CROCC2: variants seen among roughly 807,000 people sequenced by gnomAD.
CROCC2 encodes the protein ciliary rootlet coiled-coil protein 2.
A neutral mutation model predicts 177.6 loss-of-function variants in CROCC2; 163 were observed. The observed-to-expected ratio is 0.92, with a 90% CI of 0.81 to 1.05. The LOEUF (loss-of-function observed/expected upper bound fraction) is 1.05, where lower values mean the gene tolerates loss of function less well. CROCC2 is among the 50% of genes least tolerant of loss of function. CROCC2 has a pLI of 0.00. For synonymous variants in CROCC2, 904 were observed against 787.3 expected (o/e 1.15, Z -2.48); for missense variants, 1,929 against 1,797.8 (o/e 1.07, Z -1.32).
chr2:240,913,129 C>T (rs1308597559), intron 1 of CROCC2, among the ~76,000 whole-genome samples: 1 of 152,192 alleles, frequency 6.6e-6, no homozygotes, highest in Admixed American at 6.5e-5. Flanking sequence ...GTCCAAGGAT[C>T]GTGTCCCACA....
chr2:240,926,097 C>T (rs929021243), intron 5 of CROCC2, among the ~76,000 whole-genome samples: 2 of 152,202 alleles, frequency 1.3e-5, no homozygotes, highest in African/African-American at 2.4e-5. Flanking sequence ...GCCCCCCACC[C>T]GGAGAAGGAG....
In CROCC2 at chr2:240,973,594, G is replaced by A. The variant is rs552453710; in HGVS notation, c.4401+5332G>A. ...CCAGTGCCAGCCTTGCAGGTCACCCGCCTGTGGGGGCTCAACTCAGCGTCA... is the reference window on the plus strand; with the variant it reads ...CCAGTGCCAGCCTTGCAGGTCACCCACCTGTGGGGGCTCAACTCAGCGTCA... On this transcript the variant is annotated intron_variant, in intron 27 of 31. Coordinates refer to ENST00000690015, the MANE Select transcript of CROCC2 (RefSeq NM_001351305.2). This position sits in a 1 kb window ranked among gnomAD's most constrained non-coding sequence, Gnocchi z 4.7. Among the ~76,000 whole-genome samples the A allele has an allele frequency of 1.4e-4, 21 of 146,418 alleles. No homozygotes were observed. The highest frequency in any genetic ancestry group is 6.3e-4 in the East Asian group (3 of 4,752).
At position 240,932,374 on chromosome 2, in the gene CROCC2, C is replaced by T. The variant is rs533380286; in HGVS notation, c.1004C>T (p.Ala335Val). The T allele has an allele frequency of 2.0e-4, 144 of 717,484 alleles. No homozygotes were observed. In the African/African-American group the frequency reaches 2.2e-3, roughly 11 times the overall value. 44.4% of individuals were successfully genotyped at this position (717,484 alleles called of 1,614,324 possible). A position where few individuals can be genotyped will look rare whatever the true frequency, so the allele number is the denominator to read the frequency against. ...EKLTEQNEQK[A>V]KTIAALRTDL... ...CTTACAGAGCAGAATGAGCAGAAGG[C>T]GAAGACCATCGCTGCCCTCAGAACC... Residue 335 changes from alanine (A) to valine (V), a missense_variant, in exon 8 of 32, where the codon GCG becomes GTG. By Grantham distance (64) the Ala-to-Val change is moderately conservative. Coordinates refer to ENST00000690015, the MANE Select transcript of CROCC2 (RefSeq NM_001351305.2).
intron 29 of CROCC2, among the ~76,000 whole-genome samples, 151 bp downstream of exon 29, chr2:240,989,021 G>A (rs2059860149): frequency 6.6e-6 from 1 of 152,120 alleles, no homozygotes; most frequent in Non-Finnish European, 1.5e-5. Context: ...GCTTCTGCAT[G>A]TGATGGATAC....
chr2:240,992,979 C>T (rs1266441853), intron 31 of CROCC2, 87 bp from the exon 32 acceptor site: 4 of 692,346 alleles, frequency 5.8e-6, no homozygotes, highest in Non-Finnish European at 1.1e-5. Flanking sequence ...GGAGACTCAG[C>T]ATCGGTCCCT....
intron 1 of CROCC2, among the ~76,000 whole-genome samples, chr2:240,911,592 C>A (rs2059289006): frequency 6.6e-6 from 1 of 152,150 alleles, no homozygotes; most frequent in African/African-American, 2.4e-5. Context: ...GCCGCCACGC[C>A]CGGCCCCAGA....
chr2:240,930,384 T>C, intron 6 of CROCC2, 115 bp downstream of exon 6: 4 of 428,348 alleles, frequency 9.3e-6, no homozygotes, highest in Non-Finnish European at 1.7e-5. Context: ...GCAGTAGCCC[T>C]GGCCTGCCGG....
At chr2:240,946,426 G>A (rs1383270806) in intron 15 of CROCC2, among the ~76,000 whole-genome samples, 173 bp downstream of exon 15, 1 of 152,204 alleles carries the variant, frequency 6.6e-6, no homozygotes, top group Non-Finnish European at 1.5e-5. Flanking sequence ...GTTGGGGGAG[G>A]GCATCTGGAA....
chr2:240,910,521 C>T (rs11679214), intron 1 of CROCC2, among the ~76,000 whole-genome samples: 57,546 of 152,108 alleles, frequency 0.38, 12,085 homozygotes, highest in Admixed American at 0.46. Context: ...GTGGGGTAAC[C>T]AGCTGTCCCT....
Position 240,966,314 on chromosome 2 carries a change from C to A in CROCC2, c.4051C>A (p.Pro1351Thr). ...GCCCCTCCGATGGCCCTCGCCCACA[C>A]CCGGAGGCCGCAGCTCAGAGCTCAT... ...HSPLRWPSPT[P>T]GGRSSELMDV... The change falls in exon 25 of 32, where the codon CCC becomes ACC. Residue 1351 changes from proline (P) to threonine (T), a missense_variant. This residue lies in a region of CROCC2 where 388 missense variants were observed against 352.7 expected (regional missense o/e 1.10). Coordinates refer to ENST00000690015, the MANE Select transcript of CROCC2 (RefSeq NM_001351305.2). 2.4e-6 allele frequency: 1 copy of A among 419,086 alleles called. No homozygotes were observed. Among genetic ancestry groups the A allele is most frequent in the East Asian group, 3.6e-5 (1 of 28,124 alleles). The allele number at this position is 419,086 out of a possible 1,614,324, so 26.0% of individuals were successfully genotyped here.
chr2:240,966,672 G>T (rs1347171334), intron 25 of CROCC2, among the ~76,000 whole-genome samples: 2 of 152,096 alleles, frequency 1.3e-5, no homozygotes, highest in African/African-American at 2.4e-5. Context: ...CCCAGGGTAG[G>T]GCATTCTGCA....
chr2:240,951,651 T>A (rs2059557448), intron 18 of CROCC2, among the ~76,000 whole-genome samples: 1 of 151,578 alleles, frequency 6.6e-6, no homozygotes, highest in African/African-American at 2.4e-5. Flanking sequence ...CAACCTTCCA[T>A]CCACACAGCT....
At chr2:240,909,416 G>T (rs1184090127) in intron 1 of CROCC2, among the ~76,000 whole-genome samples, 1 of 152,246 alleles carries the variant, frequency 6.6e-6, no homozygotes, top group Non-Finnish European at 1.5e-5. Context: ...CTCTGCCTGG[G>T]TGTTGGCTCC....
chr2:240,934,707 A>G lies in CROCC2; in HGVS notation c.1792-209A>G, dbSNP rs1193879280. Among the ~76,000 whole-genome samples, 9 of 152,256 alleles carry G rather than the reference A, an allele frequency of 5.9e-5. No homozygotes were observed. The East Asian group carries it at 1.7e-3, about 29-fold the overall frequency. ...CTGCTTCTTTGTGGCCTCTCCCTGG[A>G]CCACCAGCCACCTCCTCTGGCTGGA... is the stretch of plus-strand genomic sequence containing the variant. On this transcript the variant is annotated intron_variant, in intron 12 of 31. Transcript: ENST00000690015.
chr2:240,968,069 G>GC, intron 26 of CROCC2, 60 bp from the exon 27 acceptor site: 1 of 1,372,054 alleles, frequency 7.3e-7, no homozygotes, highest in South Asian at 1.8e-5. Flanking sequence ...GCCCTGCATT[G>GC]CCTGCCTGTG....
intron 18 of CROCC2, chr2:240,955,522 T>C (rs2059585209): frequency 7.9e-6 from 2 of 253,260 alleles, no homozygotes; most frequent in Admixed American, 4.9e-5. Context: ...GGGTGGCTCA[T>C]GAAGGCCCCC....
intron 24 of CROCC2, 65 bp downstream of exon 24, chr2:240,966,058 C>T: frequency 7.7e-7 from 1 of 1,300,656 alleles, no homozygotes; most frequent in Non-Finnish European, 9.7e-7. Flanking sequence ...TGGCACCTCT[C>T]TTTCAGGCCT....
chr2:240,939,894 G>A (rs1029316381), intron 14 of CROCC2, among the ~76,000 whole-genome samples: 3 of 152,038 alleles, frequency 2.0e-5, no homozygotes, highest in Non-Finnish European at 4.4e-5. Context: ...ATTCCATCAC[G>A]ATCGGAGGAC....
rs947348808 is a variant in CROCC2, at chr2:240,918,834, C to T, written c.187C>T (p.Arg63Cys). ...GCCCACCCCCGTGCCCACCCGCATCCGTGAGATCGTGGCCGGCAGCCTGAG... is the reference window on the plus strand; with the variant it reads ...GCCCACCCCCGTGCCCACCCGCATCTGTGAGATCGTGGCCGGCAGCCTGAG... ...ASPTPVPTRI[R>C]EIVAGSLSEE... Residue 63 changes from arginine (R) to cysteine (C), a missense_variant, in exon 2 of 32, where the codon CGT becomes TGT. Arg to Cys is a radical substitution (Grantham distance 180, BLOSUM62 -3). Transcript: ENST00000690015. This position sits in a 1 kb window ranked among gnomAD's most constrained non-coding sequence, Gnocchi z 6.3. 14 of 645,332 alleles carry T rather than the reference C, an allele frequency of 2.2e-5. No homozygotes were observed. The highest frequency in any genetic ancestry group is 1.4e-4 in the South Asian group (8 of 57,006). 40.0% of individuals were successfully genotyped at this position (645,332 alleles called of 1,614,324 possible). A position where few individuals can be genotyped will look rare whatever the true frequency, so the allele number is the denominator to read the frequency against.
Sources: allele counts gnomAD v4.1 joint callset (sites outside exome capture counted in the v4.1 genomes callset), GRCh38; gene constraint gnomAD v4.1.1; regional missense constraint gnomAD v4.1.1; non-coding constraint Gnocchi (gnomAD v3.1); transcripts MANE v1.5; gene names NCBI Gene and HGNC (gene_info 2026-07-23, HGNC 2026-07-21).